Variants in ARHGAP28 observed in about 807,000 individuals in gnomAD.
The protein encoded by ARHGAP28 is rho GTPase-activating protein 28.
Under a neutral mutation model 90.7 loss-of-function variants are expected in ARHGAP28, and 56 were observed. The observed-to-expected ratio is 0.62, with a 90% CI of 0.50 to 0.77. The LOEUF is 0.77. ARHGAP28 is among the 30% of genes least tolerant of loss of function. The pLI, the probability that ARHGAP28 is intolerant of heterozygous loss-of-function variation, is 0.00. For missense variants in ARHGAP28, 869 were observed against 900.9 expected (o/e 0.96, Z 0.45); for synonymous variants, 308 against 323.3 (o/e 0.95, Z 0.51).
At chr18:6,826,266 G>A (rs1027901972) in intron 2 of ARHGAP28, among the ~76,000 whole-genome samples, 1 of 151,838 alleles carries the variant, frequency 6.6e-6, no homozygotes, top group Admixed American at 6.6e-5. Flanking sequence ...TTGTCTGTTT[G>A]TATGTCTTCT....
chr18:6,900,765 A>C (rs1266566802), intron 16 of ARHGAP28, among the ~76,000 whole-genome samples: 1 of 152,236 alleles, frequency 6.6e-6, no homozygotes, highest in Non-Finnish European at 1.5e-5. Context: ...TGAATGAATA[A>C]TAATGAAATA....
intron 3 of ARHGAP28, among the ~76,000 whole-genome samples, chr18:6,839,442 A>G (rs9957353): frequency 3.3e-4 from 50 of 151,914 alleles, no homozygotes; most frequent in Admixed American, 2.7e-3. Context: ...TATAGGCGCC[A>G]GCCACCACGC....
At chr18:6,759,820 G>A (rs1382932088) in intron 1 of ARHGAP28, among the ~76,000 whole-genome samples, 2 of 151,968 alleles carry the variant, frequency 1.3e-5, no homozygotes, top group Non-Finnish European at 1.5e-5. Flanking sequence ...CCAAGTCTCC[G>A]CTTCCCACTG....
At position 6,896,590 on chromosome 18, in the gene ARHGAP28, C is replaced by T. The variant is rs573361587; in HGVS notation, c.1994C>T (p.Ala665Val). The stretch of plus-strand genomic sequence containing the variant: ...ATTCAACTCAACAATCAAACCAAAG[C>T]CAAAGACATATTGGCAAAATTTCAA... ...MAIQLNNQTKAKDILAKFQYE... is the reference protein window; with the variant it reads ...MAIQLNNQTKVKDILAKFQYE... Residue 665 changes from alanine (A) to valine (V), a missense_variant, in exon 16 of 18, where the codon GCC (alanine) becomes GTC (valine). Ala to Val is a moderately conservative substitution (Grantham distance 64, BLOSUM62 0). Coordinates refer to ENST00000383472, the MANE Select transcript of ARHGAP28 (RefSeq NM_001366230.1). 6.2e-7 allele frequency: 1 copy of T among 1,614,074 alleles called. No individual in the cohort carries two copies. The highest frequency in any genetic ancestry group is 1.1e-5 in the South Asian group (1 of 91,066).
intron 6 of ARHGAP28, among the ~76,000 whole-genome samples, chr18:6,869,229 C>T (rs1410845593): frequency 2.0e-5 from 3 of 149,232 alleles, no homozygotes; most frequent in African/African-American, 4.9e-5. Context: ...AACAAGGGAG[C>T]ATCATAGCTC....
chr18:6,740,115 A>G (rs1401191801), intron 1 of ARHGAP28, among the ~76,000 whole-genome samples: 2 of 152,146 alleles, frequency 1.3e-5, no homozygotes, highest in African/African-American at 2.4e-5. Context: ...TGGCCTCCCA[A>G]AGTGCTGGGA....
intron 3 of ARHGAP28, among the ~76,000 whole-genome samples, chr18:6,842,521 A>C (rs942366841): frequency 2.0e-5 from 3 of 152,178 alleles, no homozygotes; most frequent in African/African-American, 7.2e-5. Context: ...TTAAACCTTA[A>C]ATTTCAAGTT....
In ARHGAP28 at chr18:6,828,223, C is replaced by T. The variant is rs150985326; in HGVS notation, c.325+3259C>T. Among the ~76,000 whole-genome samples, 457 of 152,310 alleles carry T rather than the reference C, an allele frequency of 3.0e-3. 4 individuals are homozygous for T. The highest frequency in any genetic ancestry group is 0.01 in the African/African-American group (428 of 41,582). ...AAAACCAGTCAGGCGTGGCGGCACGCGCCTGCAATCGCAGGCACTCGGCAG... is the reference window on the plus strand; with the variant it reads ...AAAACCAGTCAGGCGTGGCGGCACGTGCCTGCAATCGCAGGCACTCGGCAG... On this transcript the variant is annotated intron_variant, in intron 2 of 17. Coordinates refer to ENST00000383472, the MANE Select transcript of ARHGAP28 (RefSeq NM_001366230.1).
intron 8 of ARHGAP28, 32 bp from the exon 9 acceptor site, chr18:6,873,652 T>G: frequency 6.2e-7 from 1 of 1,607,844 alleles, no homozygotes; most frequent in South Asian, 1.1e-5. Flanking sequence ...TAATTCTTTT[T>G]TTTTTTCCCC....
chr18:6,835,237 G>A (rs533836497), intron 2 of ARHGAP28, among the ~76,000 whole-genome samples: 1 of 152,014 alleles, frequency 6.6e-6, no homozygotes, highest in South Asian at 2.1e-4. Context: ...ATAGGTGGAG[G>A]GGAAAAACAA....
At chr18:6,735,365 G>A (rs771835796) in intron 1 of ARHGAP28, among the ~76,000 whole-genome samples, 6 of 151,994 alleles carry the variant, frequency 3.9e-5, no homozygotes, top group South Asian at 2.1e-4. Context: ...CAATAAAATC[G>A]GAATTTTCCT....
At chr18:6,768,662 C>A (rs189743372) in intron 1 of ARHGAP28, among the ~76,000 whole-genome samples, 1 of 152,246 alleles carries the variant, frequency 6.6e-6, no homozygotes, top group East Asian at 1.9e-4. Flanking sequence ...TGCAAGGAGA[C>A]CCCCATATGG....
chr18:6,801,815 A>G (rs991542603), intron 1 of ARHGAP28, among the ~76,000 whole-genome samples: 12 of 152,182 alleles, frequency 7.9e-5, no homozygotes, highest in African/African-American at 2.9e-4. Flanking sequence ...ATAAATTATT[A>G]TAAATAGCCC....
chr18:6,731,935 C>T (rs369685879), intron 1 of ARHGAP28, among the ~76,000 whole-genome samples: 71 of 152,198 alleles, frequency 4.7e-4, no homozygotes, highest in Middle Eastern at 6.8e-3. Context: ...AAATTGCTTA[C>T]ACATTTGTAA....
Position 6,729,877 on chromosome 18 carries a change from G to A in ARHGAP28, c.56G>A (p.Arg19His). The A allele has an allele frequency of 7.0e-7, 1 of 1,434,172 alleles. No homozygotes were observed. Among genetic ancestry groups the A allele is most frequent in the Non-Finnish European group, 9.1e-7 (1 of 1,096,554 alleles). The allele number at this position is 1,434,172 out of a possible 1,614,324, so 88.8% of individuals were successfully genotyped here. ...CTGACCGCCTACCACTCGTACGCGC[G>A]CGCCCAGCCCCCCAACGCCGAGTCG... Reference protein sequence around the residue: ...VVLTAYHSYARAQPPNAESRC... With the variant: ...VVLTAYHSYAHAQPPNAESRC... The change falls in exon 1 of 18, where the codon CGC (arginine) becomes CAC (histidine). Residue 19 changes from arginine to histidine, a missense_variant. Arg to His is a conservative substitution (Grantham distance 29). Transcript: ENST00000383472.
At chr18:6,749,523 C>T (rs2056051684) in intron 1 of ARHGAP28, among the ~76,000 whole-genome samples, 2 of 152,172 alleles carry the variant, frequency 1.3e-5, no homozygotes, top group South Asian at 4.1e-4. Flanking sequence ...CTCAAGTCTC[C>T]AATGTTCTAA....
Position 6,800,361 on chromosome 18 carries a change from A to G in ARHGAP28, c.123-24401A>G, listed in dbSNP as rs1244728115. ...TGACCTAGCAATCCCATTACTGGGT[A>G]TATTCCCAAAGGATTATAAATCATT... is the stretch of plus-strand genomic sequence containing the variant. On this transcript the variant is annotated intron_variant, in intron 1 of 17. Transcript: ENST00000383472. Among the ~76,000 whole-genome samples, 4 of 152,362 alleles carry G rather than the reference A, an allele frequency of 2.6e-5. No individual in the cohort carries two copies. In the East Asian group the frequency reaches 7.7e-4, roughly 29 times the overall value.
chr18:6,799,928 C>T (rs530889460), intron 1 of ARHGAP28, among the ~76,000 whole-genome samples: 1 of 152,156 alleles, frequency 6.6e-6, no homozygotes, highest in East Asian at 1.9e-4. Context: ...GAACAGGCAC[C>T]CTACAGAATG....
At chr18:6,758,566 C>T (rs1462940396) in intron 1 of ARHGAP28, among the ~76,000 whole-genome samples, 1 of 152,138 alleles carries the variant, frequency 6.6e-6, no homozygotes, top group Non-Finnish European at 1.5e-5. Context: ...TCGGGTGATC[C>T]GCCCACCTCG....
Sources: gnomAD v4.1 joint callset for allele counts (sites outside exome capture counted in the v4.1 genomes callset) on GRCh38, gnomAD v4.1.1 for gene constraint, MANE v1.5 for transcripts, NCBI Gene and HGNC (gene_info 2026-07-23, HGNC 2026-07-21) for gene names.